Variants in TTC22 observed in about 807,000 individuals in gnomAD.
TTC22 encodes tetratricopeptide repeat domain 22, also known as tetratricopeptide repeat protein 22.
Under a neutral mutation model 48.2 loss-of-function variants are expected in TTC22, and 42 were observed. The ratio of observed to expected loss-of-function variants is 0.87; its 90% CI spans 0.68 to 1.13. TTC22 has a LOEUF of 1.13. Ranked by LOEUF, TTC22 falls within the 50% of genes most tolerant of loss-of-function variation. The pLI is 0.00. For missense variants in TTC22, 784 were observed against 807.0 expected (o/e 0.97, Z 0.34); for synonymous variants, 345 against 365.5 (o/e 0.94, Z 0.64).
At chr1:54,782,283 G>A in intron 6 of TTC22, 42 bp downstream of exon 6, 2 of 1,484,142 alleles carry the variant, frequency 1.3e-6, no homozygotes, top group Non-Finnish European at 1.8e-6. Context: ...GGAGTAAACA[G>A]ATTCTTGCTC....
At chr1:54,790,266 G>A (rs1266700973) in intron 1 of TTC22, among the ~76,000 whole-genome samples, 1 of 152,228 alleles carries the variant, frequency 6.6e-6, no homozygotes, top group Non-Finnish European at 1.5e-5. Context: ...CATAGTCACA[G>A]CTGCTCTAAA....
intron 1 of TTC22, 134 bp downstream of exon 1, chr1:54,800,463 G>T: frequency 1.2e-6 from 1 of 806,244 alleles, no homozygotes; most frequent in Non-Finnish European, 1.8e-6. Context: ...GATGCACATT[G>T]GAAAGGCATT....
chr1:54,800,893 C>G lies in TTC22; in HGVS notation c.271G>C (p.Glu91Gln). 1 of 1,610,548 alleles carries G rather than the reference C, an allele frequency of 6.2e-7. No individual in the cohort carries two copies. The highest frequency in any genetic ancestry group is 8.5e-7 in the Non-Finnish European group (1 of 1,179,450). Residue 91 changes from glutamate (E) to glutamine (Q), a missense_variant, in exon 1 of 7, where the codon GAG becomes CAG. Transcript: ENST00000371276. ...TTGCCCGGGTGCTCGTGGGCCACCT[C>G]GAGGAAGCACTCGCGGGCCTCGTCC... ...ELDEARECFL[E>Q]VAHEHPGNLN...
Position 54,780,005 on chromosome 1 carries a change from G to C in TTC22, c.*1238C>G, listed in dbSNP as rs1217269545. Reference sequence around the variant, plus strand: ...GCAGTGAGTACAGCCTGGAATTCCAGCTACTCAGGAGGCTGAGGTACGAGA... The same window carrying C: ...GCAGTGAGTACAGCCTGGAATTCCACCTACTCAGGAGGCTGAGGTACGAGA... On this transcript the variant is annotated 3_prime_UTR_variant, in exon 7 of 7. Transcript: ENST00000371276. The C allele has an allele frequency of 6.6e-6, 1 of 152,282 alleles. No individual in the cohort carries two copies. Among genetic ancestry groups the C allele is most frequent in the Non-Finnish European group, 1.5e-5 (1 of 68,102 alleles). The allele number at this position is 152,282 out of a possible 1,614,324, so 9.4% of individuals were successfully genotyped here.
Position 54,801,064 on chromosome 1 carries a change from C to T in TTC22, c.100G>A (p.Glu34Lys). Residue 34 changes from glutamate (E) to lysine (K), a missense_variant, in exon 1 of 7, where the codon GAG becomes AAG. Coordinates refer to ENST00000371276, the MANE Select transcript of TTC22 (RefSeq NM_001114108.2). ...HFHLEMQLNF[E>K]PRSPAPQRAR... Reference sequence around the variant, plus strand: ...CGCTGTGGGGCCGGCGAGCGCGGCTCGAAGTTCAACTGCATCTCCAGGTGA... The same window carrying T: ...CGCTGTGGGGCCGGCGAGCGCGGCTTGAAGTTCAACTGCATCTCCAGGTGA... 6.2e-7 allele frequency: 1 copy of T among 1,612,512 alleles called. No individual in the cohort carries two copies. Among genetic ancestry groups the T allele is most frequent in the Non-Finnish European group, 8.5e-7 (1 of 1,179,774 alleles).
rs1434639547 is a variant in TTC22, at chr1:54,781,422, C to T, written c.1531G>A (p.Ala511Thr). ...CGCTGCAGCTCCTGGCGCAGGCGCG[C>T]CGCGGGGTACTTGTCCTGGGCGCGG... ...LRRAQDKYPAARLRQELQRVW... is the reference protein window; with the variant it reads ...LRRAQDKYPATRLRQELQRVW... The change falls in exon 7 of 7, where the codon GCG (alanine) becomes ACG (threonine). Residue 511 changes from alanine to threonine, a missense_variant. Ala to Thr is a moderately conservative substitution (Grantham distance 58). Transcript: ENST00000371276. 1 of 1,410,870 alleles carries T rather than the reference C, an allele frequency of 7.1e-7. No individual in the cohort carries two copies. The highest frequency in any genetic ancestry group is 1.5e-5 in the South Asian group (1 of 66,712). The allele number at this position is 1,410,870 out of a possible 1,614,324, so 87.4% of individuals were successfully genotyped here. A position where few individuals can be genotyped will look rare whatever the true frequency, so the allele number is the denominator to read the frequency against.
intron 5 of TTC22, chr1:54,785,535 G>A (rs1646293438): frequency 2.2e-6 from 1 of 452,712 alleles, no homozygotes; most frequent in Non-Finnish European, 4.4e-6. Context: ...TACAGGGCTG[G>A]GTGTAGTGGC....
chr1:54,785,352 G>A (rs1290940092), intron 5 of TTC22: 2 of 286,040 alleles, frequency 7.0e-6, no homozygotes, highest in African/African-American at 4.6e-5. Flanking sequence ...TGAAGTTTGT[G>A]GGGGTAAGTG....
At chr1:54,784,155 A>G (rs1034975968) in intron 5 of TTC22, among the ~76,000 whole-genome samples, 1 of 152,260 alleles carries the variant, frequency 6.6e-6, no homozygotes, top group African/African-American at 2.4e-5. Context: ...GGCCCAGGCC[A>G]GTAGGGTTGG....
chr1:54,788,754 G>A (rs1178865039), intron 1 of TTC22, among the ~76,000 whole-genome samples: 1 of 152,144 alleles, frequency 6.6e-6, no homozygotes, highest in South Asian at 2.1e-4. Context: ...GCTTCACTCT[G>A]TACTTGCCAC....
intron 1 of TTC22, among the ~76,000 whole-genome samples, chr1:54,790,187 G>A (rs1227838609): frequency 1.3e-5 from 2 of 152,204 alleles, no homozygotes; most frequent in African/African-American, 4.8e-5. Flanking sequence ...AGACCAGCCT[G>A]TGCAACATAA....
intron 1 of TTC22, among the ~76,000 whole-genome samples, chr1:54,798,626 A>G (rs1447303270): frequency 4.6e-5 from 7 of 152,212 alleles, no homozygotes; most frequent in Non-Finnish European, 1.0e-4. Flanking sequence ...GGGCTCAGGT[A>G]AGCATAGTTA....
At chr1:54,788,203 G>A in intron 1 of TTC22, 106 bp from the exon 2 acceptor site, 1 of 1,114,950 alleles carries the variant, frequency 9.0e-7, no homozygotes, top group South Asian at 1.3e-5. Context: ...GCACAAGTGG[G>A]AAGGGCTTTG....
At chr1:54,793,943 G>A (rs569843952) in intron 1 of TTC22, among the ~76,000 whole-genome samples, 1 of 152,274 alleles carries the variant, frequency 6.6e-6, no homozygotes, top group South Asian at 2.1e-4. Flanking sequence ...TAGACAAGCG[G>A]TTTTCAAAGT....
chr1:54,786,781 G>A (rs1454282564), intron 4 of TTC22, 176 bp downstream of exon 4: 10 of 423,972 alleles, frequency 2.4e-5, no homozygotes, highest in Middle Eastern at 5.9e-4. Context: ...GTATGGGGAG[G>A]GTCTCTTTTG....
chr1:54,787,211 G>A (rs1041480738), intron 3 of TTC22, 136 bp from the exon 4 acceptor site: 4 of 557,774 alleles, frequency 7.2e-6, no homozygotes, highest in East Asian at 6.2e-5. Flanking sequence ...GCAACACAGG[G>A]ACAGAGAGAA....
At chr1:54,795,865 A>G (rs1050811643) in intron 1 of TTC22, among the ~76,000 whole-genome samples, 1 of 152,228 alleles carries the variant, frequency 6.6e-6, no homozygotes, top group Non-Finnish European at 1.5e-5. Flanking sequence ...CCCCAAGACC[A>G]CATAAGGCTG....
intron 6 of TTC22, 142 bp downstream of exon 6, chr1:54,782,183 C>T: frequency 1.2e-6 from 1 of 805,380 alleles, no homozygotes; most frequent in Non-Finnish European, 1.9e-6. Context: ...TTATTCAGTC[C>T]TCACCACGGC....
rs199743910 is a variant in TTC22, at chr1:54,787,714, G to T, written c.736C>A (p.Arg246=). 6.2e-6 allele frequency: 10 copies of T among 1,610,472 alleles called. No individual in the cohort carries two copies. Among genetic ancestry groups the T allele is most frequent in the Non-Finnish European group, 7.6e-6 (9 of 1,177,976 alleles). The change falls in exon 3 of 7, where the codon CGA becomes AGA. Residue 246 remains arginine, a synonymous_variant. Coordinates refer to ENST00000371276, the MANE Select transcript of TTC22 (RefSeq NM_001114108.2). ...QVLKSEDPRH[R]ALAWCYLGML... Reference sequence around the variant, plus strand: ...CACCCATCCCCCGGGTCCCCACCTCGGTGGCGGGGGTCCTCGGACTTCAGC... The same window carrying T: ...CACCCATCCCCCGGGTCCCCACCTCTGTGGCGGGGGTCCTCGGACTTCAGC...
Sources: gnomAD v4.1 joint callset for allele counts (sites outside exome capture counted in the v4.1 genomes callset) on GRCh38, gnomAD v4.1.1 for gene constraint, MANE v1.5 for transcripts, NCBI Gene and HGNC (gene_info 2026-07-23, HGNC 2026-07-21) for gene names.